The following CSMD3 variants were observed in gnomAD, a reference collection of about 807,000 sequenced individuals.
CSMD3 encodes the protein CUB and Sushi multiple domains 3.
CSMD3 carries 177 observed loss-of-function variants against 435.2 expected under a neutral mutation model. That is an observed-to-expected ratio of 0.41 (90% CI 0.36 to 0.46). The LOEUF is 0.46. Among genes scored for constraint, CSMD3 ranks in the 20% least tolerant of loss-of-function variants. The pLI, the probability that CSMD3 is intolerant of heterozygous loss-of-function variation, is 0.34. For missense variants in CSMD3, 4,265 were observed against 4,504.6 expected (o/e 0.95, Z 1.52); for synonymous variants, 1,656 against 1,520.5 (o/e 1.09, Z -2.07).
chr8:113,040,195 G>T (rs954302884), intron 5 of CSMD3, among the ~76,000 whole-genome samples: 7 of 152,144 alleles, frequency 4.6e-5, no homozygotes, highest in African/African-American at 1.7e-4. Context: ...TCATATATAT[G>T]CATGGAATCT....
At chr8:113,371,433 T>C (rs2094345589) in intron 1 of CSMD3, among the ~76,000 whole-genome samples, 1 of 152,112 alleles carries the variant, frequency 6.6e-6, no homozygotes, top group African/African-American at 2.4e-5. Context: ...AGGTTCTAAG[T>C]TGCCTCTGAC....
intron 4 of CSMD3, among the ~76,000 whole-genome samples, chr8:113,140,308 C>A (rs1364145086): frequency 6.6e-6 from 1 of 150,506 alleles, no homozygotes; most frequent in Non-Finnish European, 1.5e-5. Flanking sequence ...ACACAATTAT[C>A]GTTGGGAGTT....
intron 7 of CSMD3, among the ~76,000 whole-genome samples, chr8:112,969,778 C>T (rs1277747610): frequency 6.6e-6 from 1 of 151,872 alleles, no homozygotes; most frequent in Non-Finnish European, 1.5e-5. Context: ...TAGGACTTGT[C>T]CACATATTGA....
In CSMD3 at chr8:112,740,263, T is replaced by C. The variant is rs2077274504; in HGVS notation, c.1973-50213A>G. ...TATTTCTACATATTTTATTTCCATTTCTAATAAGTAGTTTTCCTTACAACC... is the reference window on the plus strand; with the variant it reads ...TATTTCTACATATTTTATTTCCATTCCTAATAAGTAGTTTTCCTTACAACC... On this transcript the variant is annotated intron_variant, in intron 13 of 70. Coordinates refer to ENST00000297405, the MANE Select transcript of CSMD3 (RefSeq NM_198123.2). Among the ~76,000 whole-genome samples the C allele has an allele frequency of 2.0e-5, 3 of 151,822 alleles. No homozygotes were observed. The South Asian group carries it at 6.2e-4, about 31-fold the overall frequency.
At chr8:112,989,587 G>A (rs1487687039) in intron 6 of CSMD3, among the ~76,000 whole-genome samples, 1 of 151,976 alleles carries the variant, frequency 6.6e-6, no homozygotes, top group African/African-American at 2.4e-5. Flanking sequence ...CTATGTTGCT[G>A]TGTTATATTA....
At chr8:112,917,795 G>A (rs1419743297) in intron 10 of CSMD3, among the ~76,000 whole-genome samples, 1 of 151,938 alleles carries the variant, frequency 6.6e-6, no homozygotes, top group Non-Finnish European at 1.5e-5. Flanking sequence ...AGATACATAA[G>A]ATAACCTCTC....
intron 3 of CSMD3, among the ~76,000 whole-genome samples, chr8:113,194,889 A>G (rs1273349484): frequency 6.6e-6 from 1 of 151,220 alleles, no homozygotes; most frequent in Non-Finnish European, 1.5e-5. Flanking sequence ...AAAGATATTT[A>G]CTATGTATTT....
At chr8:112,310,327 CTCCGG>C in intron 50 of CSMD3, 1 of 152,878 alleles carries the variant, frequency 6.5e-6, no homozygotes, top group Non-Finnish European at 1.5e-5. Flanking sequence ...TCAAGTCATT[CTCCGG>C]CCTCAGCCTC....
intron 1 of CSMD3, among the ~76,000 whole-genome samples, chr8:113,339,545 G>A (rs975134730): frequency 3.9e-5 from 6 of 151,936 alleles, no homozygotes; most frequent in African/African-American, 1.4e-4. Flanking sequence ...TCTCTTAGGA[G>A]AAATAATATA....
chr8:112,754,149 A>T (rs745455171), intron 13 of CSMD3, among the ~76,000 whole-genome samples: 7 of 152,178 alleles, frequency 4.6e-5, no homozygotes, highest in Admixed American at 6.5e-5. Flanking sequence ...ACAACTGAGG[A>T]TCCTTTGTTC....
At chr8:113,251,790 A>C (rs948172266) in intron 3 of CSMD3, among the ~76,000 whole-genome samples, 7 of 152,114 alleles carry the variant, frequency 4.6e-5, no homozygotes, top group African/African-American at 1.7e-4. Context: ...CCTTAGCTTT[A>C]GTGACCTGAA....
chr8:113,354,727 C>A (rs562968855), intron 1 of CSMD3, among the ~76,000 whole-genome samples: 4 of 152,244 alleles, frequency 2.6e-5, no homozygotes, highest in African/African-American at 7.2e-5. Context: ...GCAGCCTCAA[C>A]TTCCTGGGCT....
chr8:112,576,010 T>C (rs2131311289), intron 23 of CSMD3, among the ~76,000 whole-genome samples: 1 of 152,150 alleles, frequency 6.6e-6, no homozygotes, highest in African/African-American at 2.4e-5. Flanking sequence ...CCTTAACTTC[T>C]CACCAACATA....
intron 2 of CSMD3, among the ~76,000 whole-genome samples, chr8:113,279,340 C>T (rs897624386): frequency 6.7e-6 from 1 of 150,130 alleles, no homozygotes; most frequent in Non-Finnish European, 1.5e-5. Context: ...ATTAAACACC[C>T]TGTTTGGCAT....
At chr8:112,454,827 C>CAA (rs574710500) in intron 32 of CSMD3, among the ~76,000 whole-genome samples, 2 of 150,562 alleles carry the variant, frequency 1.3e-5, no homozygotes, top group African/African-American at 4.9e-5. Context: ...TCTGTCTCTA[C>CAA]AAAAAAAAAT....
chr8:112,287,715 A>C (rs138814466), intron 57 of CSMD3, among the ~76,000 whole-genome samples: 1 of 152,228 alleles, frequency 6.6e-6, no homozygotes, highest in African/African-American at 2.4e-5. Flanking sequence ...GGACATGTAA[A>C]TATTATAATA....
At chr8:113,038,345 TA>T (rs1351874976) in intron 5 of CSMD3, among the ~76,000 whole-genome samples, 15 of 152,260 alleles carry the variant, frequency 9.9e-5, no homozygotes, top group Middle Eastern at 3.4e-3. Context: ...TTTCTTAAGC[TA>T]AGAAACCATT....
At chr8:112,344,681 C>T (rs1825495199) in intron 41 of CSMD3, among the ~76,000 whole-genome samples, 1 of 151,934 alleles carries the variant, frequency 6.6e-6, no homozygotes, top group Non-Finnish European at 1.5e-5. Context: ...TCTTTTAGTG[C>T]ATTTATAAAC....
chr8:112,931,950 T>A (rs532952013), intron 9 of CSMD3, among the ~76,000 whole-genome samples: 1 of 152,128 alleles, frequency 6.6e-6, no homozygotes, highest in African/African-American at 2.4e-5. Flanking sequence ...AAGTAACAAA[T>A]GCTGGTGAGG....
Sources: gnomAD v4.1 joint callset for allele counts (sites outside exome capture counted in the v4.1 genomes callset) on GRCh38, gnomAD v4.1.1 for gene constraint, MANE v1.5 for transcripts, NCBI Gene and HGNC (gene_info 2026-07-23, HGNC 2026-07-21) for gene names.